STX5: variants seen among roughly 807,000 people sequenced by gnomAD.
STX5 encodes the protein syntaxin-5.
Under a neutral mutation model 42.9 loss-of-function variants are expected in STX5, and 15 were observed. The ratio of observed to expected loss-of-function variants is 0.35; its 90% CI spans 0.23 to 0.54. STX5 has a LOEUF of 0.54. STX5 is among the 20% of genes least tolerant of loss of function. The pLI, the probability that STX5 is intolerant of heterozygous loss-of-function variation, is 0.91. For missense variants in STX5, 430 were observed against 455.0 expected (o/e 0.95, Z 0.50); for synonymous variants, 184 against 173.2 (o/e 1.06, Z -0.49).
intron 10 of STX5, 47 bp downstream of exon 10, chr11:62,824,119 C>T (rs771516449): frequency 1.6e-5 from 25 of 1,612,842 alleles, no homozygotes; most frequent in South Asian, 9.9e-5. Context: ...TGCCAATCCA[C>T]GGGGAAGAGA....
chr11:62,827,501 T>G (rs1158252544), intron 3 of STX5, 60 bp downstream of exon 3: 6 of 1,612,962 alleles, frequency 3.7e-6, no homozygotes. Context: ...GGCCACTGAT[T>G]GCAAGTCTAC....
intron 10 of STX5, among the ~76,000 whole-genome samples, chr11:62,821,673 G>A (rs1412192092): frequency 1.3e-5 from 2 of 151,872 alleles, no homozygotes; most frequent in Non-Finnish European, 2.9e-5. Context: ...GGCGAGAGGT[G>A]CCATTGCACT....
intron 10 of STX5, among the ~76,000 whole-genome samples, chr11:62,819,036 G>A (rs1353261270): frequency 1.3e-5 from 2 of 150,818 alleles, no homozygotes; most frequent in Admixed American, 6.6e-5. Flanking sequence ...TGGCTAACAC[G>A]GTGAAACCCC....
intron 10 of STX5, among the ~76,000 whole-genome samples, chr11:62,810,414 C>G (rs1488697573): frequency 6.6e-6 from 1 of 151,988 alleles, no homozygotes; most frequent in African/African-American, 2.4e-5. Context: ...TGCACTATAG[C>G]CTGAGTGACA....
intron 2 of STX5, among the ~76,000 whole-genome samples, chr11:62,829,532 A>G (rs2084832901): frequency 6.6e-6 from 1 of 151,534 alleles, no homozygotes; most frequent in Admixed American, 6.6e-5. Context: ...GAGAAGATAA[A>G]GCAGACGGAT....
intron 10 of STX5, among the ~76,000 whole-genome samples, chr11:62,809,815 G>C (rs1298510084): frequency 6.6e-6 from 1 of 151,356 alleles, no homozygotes; most frequent in African/African-American, 2.4e-5. Flanking sequence ...AAAAGAAAGA[G>C]GGGAAAGGCT....
chr11:62,809,657 G>C (rs1451796021), intron 10 of STX5, among the ~76,000 whole-genome samples: 1 of 86,222 alleles, frequency 1.2e-5, no homozygotes, highest in Admixed American at 2.0e-4. Context: ...CTGGGAAACA[G>C]AGCAAGACTC....
In STX5 at chr11:62,824,565, C is replaced by G; in HGVS notation, c.680G>C (p.Gly227Ala). ...TGCCCCCAGAACCACAGCACCACCG[C>G]CTGGGGGAGAAAACAGGATGTGGCA... ...SALPLAPNHL[G>A]GGAVVLGAES... Residue 227 changes from glycine to alanine, a missense_variant and splice_region_variant, in exon 9 of 11, where the codon GGC (glycine) becomes GCC (alanine). Transcript: ENST00000294179. 6.2e-7 allele frequency: 1 copy of G among 1,614,026 alleles called. No individual in the cohort carries two copies. The highest frequency in any genetic ancestry group is 8.5e-7 in the Non-Finnish European group (1 of 1,179,938).
At chr11:62,820,299 G>A (rs754277678) in intron 10 of STX5, among the ~76,000 whole-genome samples, 2 of 150,766 alleles carry the variant, frequency 1.3e-5, no homozygotes, top group Non-Finnish European at 3.0e-5. Flanking sequence ...AACCTGTGAG[G>A]TGGAGCTTGC....
At position 62,830,233 on chromosome 11, in the gene STX5, T is replaced by G. The variant is rs150559858; in HGVS notation, c.225+786A>C. 7.4e-3 allele frequency: 1,234 copies of G among 165,690 alleles called. 10 individuals are homozygous for G. Among genetic ancestry groups the G allele is most frequent in the Middle Eastern group, 9.2e-3 (3 of 326 alleles). The allele number at this position is 165,690 out of a possible 1,614,324, so 10.3% of individuals were successfully genotyped here. ...TCCTGCTGGTCTCTAACTCCTGGCC[T>G]CAAGTCATCCTCTGGCCTAGGCCTC... On this transcript the variant is annotated intron_variant, in intron 2 of 10. Transcript: ENST00000294179.
At position 62,826,420 on chromosome 11, in the gene STX5, G is replaced by A. The variant is rs924332534; in HGVS notation, c.423+735C>T. Among the ~76,000 whole-genome samples the A allele has an allele frequency of 4.6e-5, 7 of 151,254 alleles. No homozygotes were observed. The East Asian group carries it at 5.8e-4, about 13-fold the overall frequency. ...TAAAAATACAAAATTAGCCGGGCGC[G>A]GTGGCACGTGCCTGTAATCCCAGCT... On this transcript the variant is annotated intron_variant, in intron 5 of 10. Coordinates refer to ENST00000294179, the MANE Select transcript of STX5 (RefSeq NM_003164.5).
At chr11:62,807,728 A>C (rs1245143301) in intron 10 of STX5, 100 bp from the exon 11 acceptor site, 5 of 1,528,522 alleles carry the variant, frequency 3.3e-6, no homozygotes, top group Non-Finnish European at 4.4e-6. Context: ...TCACAATATG[A>C]TCCCATTCTT....
chr11:62,831,669 G>A (rs1215592931), intron 1 of STX5, among the ~76,000 whole-genome samples: 1 of 152,166 alleles, frequency 6.6e-6, no homozygotes, highest in African/African-American at 2.4e-5. Flanking sequence ...ACACTTCGGT[G>A]GGCGGAGGGG....
At chr11:62,823,711 A>G (rs1167508598) in intron 10 of STX5, among the ~76,000 whole-genome samples, 1 of 151,970 alleles carries the variant, frequency 6.6e-6, no homozygotes, top group Non-Finnish European at 1.5e-5. Context: ...ATGCCCAGCT[A>G]GTTTTTGTAT....
intron 10 of STX5, among the ~76,000 whole-genome samples, chr11:62,812,132 C>A (rs544090749): frequency 7.5e-6 from 1 of 132,944 alleles, no homozygotes; most frequent in East Asian, 2.3e-4. Flanking sequence ...GGCTGGAGTG[C>A]AATGGTGCGA....
In STX5 at chr11:62,826,465, G is replaced by T. The variant is rs1439174962; in HGVS notation, c.423+690C>A. 2.7e-5 allele frequency among the ~76,000 whole-genome samples: 4 copies of T among 147,522 alleles called. No homozygotes were observed. The East Asian group carries it at 6.2e-4, about 23-fold the overall frequency. On this transcript the variant is annotated intron_variant, in intron 5 of 10. Transcript: ENST00000294179. ...CCAGCTATTCGGGAGGCTGAGGCAG[G>T]GGAGTCACTTGAACCCAGGAGACAG...
At chr11:62,807,832 C>T (rs2084569866) in intron 10 of STX5, 2 of 935,662 alleles carry the variant, frequency 2.1e-6, no homozygotes, top group African/African-American at 3.3e-5. Flanking sequence ...TAGCTTAAGA[C>T]TCTAAGTTAG....
At chr11:62,828,013 T>C (rs1443517156) in intron 2 of STX5, among the ~76,000 whole-genome samples, 2 of 150,462 alleles carry the variant, frequency 1.3e-5, no homozygotes, top group African/African-American at 2.4e-5. Context: ...TATCTAGTAT[T>C]GCCATTCTAT....
intron 10 of STX5, among the ~76,000 whole-genome samples, chr11:62,809,042 A>C (rs1446558513): frequency 6.6e-6 from 1 of 152,150 alleles, no homozygotes; most frequent in African/African-American, 2.4e-5. Context: ...TAATCCCAGC[A>C]CTTTGGGAGG....
Sources: allele counts gnomAD v4.1 joint callset (sites outside exome capture counted in the v4.1 genomes callset), GRCh38; gene constraint gnomAD v4.1.1; transcripts MANE v1.5; gene names NCBI Gene and HGNC (gene_info 2026-07-23, HGNC 2026-07-21).